CLASP1: variants seen among roughly 807,000 people sequenced by gnomAD.
The protein encoded by CLASP1 is cytoplasmic linker associated protein 1.
In CLASP1, 38 loss-of-function variants were observed where a neutral mutation model predicts 192.3. The ratio of observed to expected loss-of-function variants is 0.20; its 90% CI spans 0.15 to 0.26. The LOEUF is 0.26. CLASP1 is among the 10% of genes least tolerant of loss of function. The pLI is 1.00. For synonymous variants in CLASP1, 691 were observed against 712.8 expected (o/e 0.97, Z 0.49); for missense variants, 1,433 against 1,932.5 (o/e 0.74, Z 4.85).
In CLASP1 at chr2:121,500,264, C is replaced by T. The variant is rs979826607; in HGVS notation, c.712+2903G>A. On this transcript the variant is annotated intron_variant, in intron 8 of 39. Coordinates refer to ENST00000263710, the Ensembl canonical transcript of CLASP1. ...CTGGGAGTTGTGTTTTAAAAAAACA[C>T]GAAGGAGGAGGAGGTGGGGGAGAGA... Among the ~76,000 whole-genome samples the T allele has an allele frequency of 9.0e-5, 12 of 133,618 alleles. No homozygotes were observed. The South Asian group carries it at 9.4e-4, about 11-fold the overall frequency. 87.7% of individuals were successfully genotyped at this position (133,618 alleles called of 152,430 possible).
At chr2:121,511,378 CG>C (rs1467023039) in intron 7 of CLASP1, among the ~76,000 whole-genome samples, 1 of 151,956 alleles carries the variant, frequency 6.6e-6, no homozygotes, top group African/African-American at 2.4e-5. Context: ...CACCTGAGGT[CG>C]GGGGTTCGAG....
rs552050119 is a variant in CLASP1, at chr2:121,363,767, G to A, written c.4078-467C>T. ...TCCACCTAAGGACAGTGGAAGGCCT[G>A]TCATTATTCCTGACCTTCCATGTGA... On this transcript the variant is annotated intron_variant, in intron 36 of 39. Transcript: ENST00000263710. Among the ~76,000 whole-genome samples the A allele has an allele frequency of 2.2e-3, 335 of 152,330 alleles. 1 individual carries two copies. The highest frequency in any genetic ancestry group is 6.5e-3 in the African/African-American group (271 of 41,576).
intron 19 of CLASP1, among the ~76,000 whole-genome samples, chr2:121,444,114 T>C (rs1046908543): frequency 1.3e-5 from 2 of 152,218 alleles, no homozygotes; most frequent in African/African-American, 4.8e-5. Context: ...AGCAAAGGAA[T>C]GATATTGCCT....
intron 8 of CLASP1, among the ~76,000 whole-genome samples, chr2:121,478,848 CCA>C (rs1559368274): frequency 3.3e-3 from 86 of 26,378 alleles, no homozygotes; most frequent in African/African-American, 7.7e-3. Flanking sequence ...CACACACACA[CCA>C]CACACCACAC....
intron 8 of CLASP1, among the ~76,000 whole-genome samples, chr2:121,500,380 GAAAGAAAGAAAGAA>G (rs2093703958): frequency 9.2e-6 from 1 of 109,124 alleles, no homozygotes; most frequent in East Asian, 2.4e-4. Context: ...AAGAAAGAAA[GAAAGAAAGAAAGAA>G]AGAAAAGAAA....
At chr2:121,500,424 AAAGAG>A (rs773131820) in intron 8 of CLASP1, among the ~76,000 whole-genome samples, 8 of 151,622 alleles carry the variant, frequency 5.3e-5, no homozygotes, top group East Asian at 1.9e-4. Flanking sequence ...AAAAAAAAGA[AAAGAG>A]AAAAGAAAAG....
intron 2 of CLASP1, chr2:121,531,153 A>G (rs774961227): frequency 1.5e-5 from 9 of 613,012 alleles, no homozygotes; most frequent in Non-Finnish European, 2.7e-5. Context: ...TGCGGTGATT[A>G]AACGGGAAGG....
chr2:121,583,090 G>A (rs1559680167), intron 2 of CLASP1, among the ~76,000 whole-genome samples: 1 of 152,016 alleles, frequency 6.6e-6, no homozygotes, highest in Non-Finnish European at 1.5e-5. Context: ...CCAGCCAAAG[G>A]TGTTTCACTT....
intron 34 of CLASP1, among the ~76,000 whole-genome samples, chr2:121,373,934 A>G (rs1034169222): frequency 6.6e-6 from 1 of 152,252 alleles, no homozygotes; most frequent in Admixed American, 6.5e-5. Flanking sequence ...CAGGCAGGAG[A>G]AAAGAAAAAC....
chr2:121,367,269 T>C (rs1270800670), intron 35 of CLASP1, among the ~76,000 whole-genome samples: 1 of 152,228 alleles, frequency 6.6e-6, no homozygotes, highest in African/African-American at 2.4e-5. Context: ...ACCTGGGCCC[T>C]GGGTTCTACA....
At chr2:121,454,914 C>T (rs1194957194) in intron 14 of CLASP1, among the ~76,000 whole-genome samples, 1 of 152,336 alleles carries the variant, frequency 6.6e-6, no homozygotes. Context: ...AAATGTTTTA[C>T]GTAATGATTG....
intron 8 of CLASP1, among the ~76,000 whole-genome samples, chr2:121,496,848 A>G (rs1327835805): frequency 1.3e-5 from 2 of 152,210 alleles, no homozygotes; most frequent in Admixed American, 6.5e-5. Context: ...GATGAATGGA[A>G]TAAGAAAAAT....
intron 2 of CLASP1, chr2:121,530,898 G>T (rs563882222): frequency 7.2e-6 from 5 of 695,258 alleles, no homozygotes; most frequent in African/African-American, 1.7e-5. Flanking sequence ...TTTTCTTGGG[G>T]TTGCGCTACT....
chr2:121,425,989 G>T (rs2080302728), intron 21 of CLASP1, among the ~76,000 whole-genome samples: 1 of 151,818 alleles, frequency 6.6e-6, no homozygotes, highest in Non-Finnish European at 1.5e-5. Context: ...TCCAAAAATT[G>T]TAAAAATTTG....
At chr2:121,604,646 C>T (rs559136260) in intron 2 of CLASP1, among the ~76,000 whole-genome samples, 40 of 152,034 alleles carry the variant, frequency 2.6e-4, no homozygotes, top group African/African-American at 8.4e-4. Context: ...CCAGCCTGGG[C>T]GACAGAGCAA....
intron 35 of CLASP1, among the ~76,000 whole-genome samples, chr2:121,366,171 A>C (rs1370802727): frequency 1.3e-5 from 2 of 152,222 alleles, no homozygotes; most frequent in Non-Finnish European, 2.9e-5. Flanking sequence ...CTTTTAGTAC[A>C]CAGTTGGTGA....
At chr2:121,450,830 T>C in intron 16 of CLASP1, 83 bp downstream of exon 16, 2 of 981,144 alleles carry the variant, frequency 2.0e-6, no homozygotes, top group Non-Finnish European at 3.1e-6. Flanking sequence ...TCAAGTAACT[T>C]AAGTTTTTAA....
At chr2:121,622,367 T>C (rs1484122432) in intron 1 of CLASP1, among the ~76,000 whole-genome samples, 1 of 151,542 alleles carries the variant, frequency 6.6e-6, no homozygotes, top group Non-Finnish European at 1.5e-5. Context: ...ATTCAGGAGT[T>C]TGAGACCAAC....
intron 8 of CLASP1, among the ~76,000 whole-genome samples, chr2:121,479,037 ACACACACACACCCCCCCCC>A (rs1337514267): frequency 1.8e-5 from 1 of 54,580 alleles, no homozygotes; most frequent in East Asian, 6.0e-4. Flanking sequence ...CACACCCCAC[ACACACACACACCCCCCCCC>A]CACACACACA....
Sources: allele counts gnomAD v4.1 joint callset (sites outside exome capture counted in the v4.1 genomes callset), GRCh38; gene constraint gnomAD v4.1.1; transcripts MANE v1.5; gene names NCBI Gene and HGNC (gene_info 2026-07-23, HGNC 2026-07-21).